TRAPPC9: variants seen among roughly 807,000 people sequenced by gnomAD.
The protein encoded by TRAPPC9 is IKK2 binding protein.
TRAPPC9 carries 83 observed loss-of-function variants against 124.0 expected under a neutral mutation model. That is an observed-to-expected ratio of 0.67 (90% CI 0.56 to 0.80). The LOEUF (loss-of-function observed/expected upper bound fraction) is 0.80. Ranked by LOEUF, TRAPPC9 falls within the 30% of genes least tolerant of loss-of-function variation. TRAPPC9 has a pLI of 0.00. For missense variants in TRAPPC9, 1,302 were observed against 1,508.3 expected (o/e 0.86, Z 2.27); for synonymous variants, 638 against 617.5 (o/e 1.03, Z -0.49).
chr8:139,737,475 C>CCCCA (rs1554633776), intron 21 of TRAPPC9, among the ~76,000 whole-genome samples: 4 of 128,254 alleles, frequency 3.1e-5, no homozygotes, highest in Admixed American at 1.5e-4. Flanking sequence ...CTCCCCCCCC[C>CCCCA]CCCACGGAAA....
chr8:139,907,539 G>T lies in TRAPPC9; in HGVS notation c.2964+2608C>A, dbSNP rs907743904. On this transcript the variant is annotated intron_variant, in intron 20 of 22. Coordinates refer to ENST00000438773, the MANE Select transcript of TRAPPC9 (RefSeq NM_001160372.4). The surrounding 1 kb of genome is among the most constrained non-coding windows in gnomAD (Gnocchi z 4.7). ...GGGAGAGGAGAGGGAGAAAGAGAAAGGGGGGGAGGAAGGGATGGAGGCAGA... is the reference window on the plus strand; with the variant it reads ...GGGAGAGGAGAGGGAGAAAGAGAAATGGGGGGAGGAAGGGATGGAGGCAGA... Among the ~76,000 whole-genome samples, 1 of 146,908 alleles carries T rather than the reference G, an allele frequency of 6.8e-6. No homozygotes were observed. Among genetic ancestry groups the T allele is most frequent in the African/African-American group, 2.5e-5 (1 of 39,348 alleles).
chr8:139,892,170 C>T (rs1239217623), intron 20 of TRAPPC9, among the ~76,000 whole-genome samples: 4 of 152,246 alleles, frequency 2.6e-5, no homozygotes, highest in African/African-American at 7.2e-5. Flanking sequence ...TTCAGGGCCC[C>T]GCTCCTTCCT....
In TRAPPC9 at chr8:139,901,023, AT is replaced by A. The variant is rs1203667921; in HGVS notation, c.2964+9123del. 4.6e-5 allele frequency among the ~76,000 whole-genome samples: 7 copies of A among 151,388 alleles called. No homozygotes were observed. The East Asian group carries it at 5.8e-4, about 13-fold the overall frequency. ...AAATAAAATAAATAAATAAATAAAA[AT>A]AAAATAAAAGTAAGTGCTATGCTCA... On this transcript the variant is annotated intron_variant, in intron 20 of 22. Coordinates refer to ENST00000438773, the MANE Select transcript of TRAPPC9 (RefSeq NM_001160372.4).
chr8:140,291,865 C>A (rs536704912), intron 11 of TRAPPC9, among the ~76,000 whole-genome samples: 6 of 152,318 alleles, frequency 3.9e-5, no homozygotes, highest in African/African-American at 1.2e-4. Flanking sequence ...CACCGGCAGA[C>A]AGCTGGCAAG....
At chr8:140,025,075 G>C (rs1269386857) in intron 17 of TRAPPC9, among the ~76,000 whole-genome samples, 1 of 152,194 alleles carries the variant, frequency 6.6e-6, no homozygotes, top group African/African-American at 2.4e-5. Context: ...CACCCATGGG[G>C]GTGGCGCTGC....
intron 14 of TRAPPC9, among the ~76,000 whole-genome samples, chr8:140,280,599 T>C (rs1401040006): frequency 1.3e-5 from 2 of 151,976 alleles, no homozygotes; most frequent in Non-Finnish European, 2.9e-5. Context: ...CAGCTAATTT[T>C]TGTATTTTTT....
At chr8:139,761,818 T>C (rs1323084365) in intron 21 of TRAPPC9, among the ~76,000 whole-genome samples, 1 of 151,618 alleles carries the variant, frequency 6.6e-6, no homozygotes, top group African/African-American at 2.4e-5. Flanking sequence ...ACACCCTGCG[T>C]ATTTCTCAAC....
intron 17 of TRAPPC9, among the ~76,000 whole-genome samples, chr8:140,197,188 T>C (rs1475824344): frequency 6.6e-6 from 1 of 151,848 alleles, no homozygotes; most frequent in Non-Finnish European, 1.5e-5. Flanking sequence ...GAAGAGAAGA[T>C]AGAGAAAAGG....
At chr8:140,171,878 G>A (rs945282734) in intron 17 of TRAPPC9, among the ~76,000 whole-genome samples, 2 of 152,180 alleles carry the variant, frequency 1.3e-5, no homozygotes, top group South Asian at 2.1e-4. Flanking sequence ...AGGAATCACC[G>A]AGGGTGCTAG....
At chr8:139,959,220 A>G (rs1228238880) in intron 19 of TRAPPC9, among the ~76,000 whole-genome samples, 1 of 152,242 alleles carries the variant, frequency 6.6e-6, no homozygotes, top group Non-Finnish European at 1.5e-5. Flanking sequence ...TCAAGCCCCA[A>G]AAGCTGTCAG....
chr8:140,292,508 G>A (rs1563922199), intron 11 of TRAPPC9, among the ~76,000 whole-genome samples: 1 of 152,196 alleles, frequency 6.6e-6, no homozygotes, highest in Non-Finnish European at 1.5e-5. Flanking sequence ...TCATAAGCAT[G>A]TTCTCAAGAT....
intron 10 of TRAPPC9, among the ~76,000 whole-genome samples, chr8:140,309,477 C>T (rs1280151035): frequency 6.6e-6 from 1 of 152,250 alleles, no homozygotes; most frequent in Non-Finnish European, 1.5e-5. Flanking sequence ...TTCCAATGAC[C>T]TGCAAGGACC....
chr8:140,205,708 C>T (rs962173863), intron 17 of TRAPPC9, among the ~76,000 whole-genome samples: 5 of 152,222 alleles, frequency 3.3e-5, no homozygotes, highest in African/African-American at 1.2e-4. Flanking sequence ...GCCATCCAGA[C>T]AGCTAGTTCA....
chr8:140,088,717 A>G (rs1844367212), intron 17 of TRAPPC9, among the ~76,000 whole-genome samples: 1 of 152,270 alleles, frequency 6.6e-6, no homozygotes, highest in Non-Finnish European at 1.5e-5. Flanking sequence ...TTCATCTTAA[A>G]GAGACCTGAT....
At chr8:140,204,163 A>G (rs2062863414) in intron 17 of TRAPPC9, among the ~76,000 whole-genome samples, 1 of 152,040 alleles carries the variant, frequency 6.6e-6, no homozygotes, top group Non-Finnish European at 1.5e-5. Flanking sequence ...TCCAAGTAAG[A>G]GCTGGTTGTT....
chr8:140,317,303 GT>G (rs1251678096), intron 9 of TRAPPC9, among the ~76,000 whole-genome samples: 1 of 152,042 alleles, frequency 6.6e-6, no homozygotes, highest in East Asian at 1.9e-4. Context: ...GTGTTAGACT[GT>G]TTATTTGAAA....
At chr8:139,970,652 G>T (rs969072257) in intron 19 of TRAPPC9, among the ~76,000 whole-genome samples, 1 of 152,150 alleles carries the variant, frequency 6.6e-6, no homozygotes, top group Non-Finnish European at 1.5e-5. Context: ...TGCCTTACAG[G>T]GTTATAATCA....
intron 11 of TRAPPC9, among the ~76,000 whole-genome samples, 186 bp downstream of exon 11, chr8:140,300,281 GCA>G (rs922558932): frequency 2.8e-5 from 4 of 142,578 alleles, no homozygotes; most frequent in African/African-American, 1.2e-4. Flanking sequence ...ATGCACGCAT[GCA>G]CACATACATA....
Position 139,888,317 on chromosome 8 carries a change from C to A in TRAPPC9, c.2965-2348G>T, listed in dbSNP as rs534767349. On this transcript the variant is annotated intron_variant, in intron 20 of 22. Coordinates refer to ENST00000438773, the MANE Select transcript of TRAPPC9 (RefSeq NM_001160372.4). ...CTCGGCCCAACTTTGAATCCTGGCA[C>A]CCCCACGAATGAGCTTTGGTTAATT... Among the ~76,000 whole-genome samples the A allele has an allele frequency of 1.2e-4, 18 of 152,324 alleles. No homozygotes were observed. The South Asian group carries it at 3.5e-3, about 30-fold the overall frequency.
Sources: gnomAD v4.1 joint callset for allele counts (sites outside exome capture counted in the v4.1 genomes callset) on GRCh38, gnomAD v4.1.1 for gene constraint, Gnocchi (gnomAD v3.1) non-coding constraint, MANE v1.5 for transcripts, NCBI Gene and HGNC (gene_info 2026-07-23, HGNC 2026-07-21) for gene names.